The following FNDC3B variants were observed in gnomAD, a reference collection of about 807,000 sequenced individuals.
FNDC3B encodes the protein fibronectin type III domain-containing protein 3B.
In FNDC3B, 12 loss-of-function variants were observed where a neutral mutation model predicts 151.5. That is an observed-to-expected ratio of 0.08 (90% confidence interval 0.05 to 0.13). The LOEUF (loss-of-function observed/expected upper bound fraction) is 0.13. FNDC3B is among the 10% of genes least tolerant of loss of function. The pLI, the probability that FNDC3B is intolerant of heterozygous loss-of-function variation, is 1.00. For missense variants in FNDC3B, 1,214 were observed against 1,505.3 expected, an observed-to-expected ratio of 0.81 and a Z score of 3.20; for synonymous variants, 528 against 549.0, an observed-to-expected ratio of 0.96 and a Z score of 0.54.
chr3:172,067,085 CAGATATA>C (rs1717536885), intron 1 of FNDC3B, among the ~76,000 whole-genome samples: 1 of 152,172 alleles, frequency 6.6e-6, no homozygotes, highest in African/African-American at 2.4e-5. Flanking sequence ...TTCTCCTGTG[CAGATATA>C]AGACTTGGTC....
At chr3:172,089,355 A>G (rs575774719) in intron 1 of FNDC3B, among the ~76,000 whole-genome samples, 2 of 152,300 alleles carry the variant, frequency 1.3e-5, no homozygotes, top group Admixed American at 1.3e-4. Flanking sequence ...TAAACCCTAG[A>G]AAAAAACAGT....
intron 1 of FNDC3B, among the ~76,000 whole-genome samples, chr3:172,100,206 C>T (rs1297116282): frequency 6.6e-6 from 1 of 152,168 alleles, no homozygotes. Context: ...GTAACTTCAG[C>T]ACAGAAGAGT....
chr3:172,396,189 T>C (rs1040194111), intron 25 of FNDC3B, among the ~76,000 whole-genome samples: 4 of 152,212 alleles, frequency 2.6e-5, no homozygotes, highest in Non-Finnish European at 4.4e-5. Flanking sequence ...GGTATAGTTA[T>C]AAGGAACTAC....
intron 1 of FNDC3B, among the ~76,000 whole-genome samples, chr3:172,081,421 T>C (rs1253064524): frequency 2.0e-5 from 3 of 152,182 alleles, no homozygotes; most frequent in African/African-American, 7.2e-5. Context: ...CATGCTAATA[T>C]TGTGATTTTC....
At position 172,039,630 on chromosome 3, in the gene FNDC3B, G is replaced by GGCGGCGGCGGCTGGAGGAGGAGA. The variant is rs1267078238; in HGVS notation, c.-158_-136dup. The GGCGGCGGCGGCTGGAGGAGGAGA allele has an allele frequency of 6.1e-5, 10 of 163,310 alleles. No homozygotes were observed. The highest frequency in any genetic ancestry group is 1.0e-4 in the Non-Finnish European group (8 of 76,422). The allele number at this position is 163,310 out of a possible 1,614,324, so 10.1% of individuals were successfully genotyped here. On this transcript the variant is annotated 5_prime_UTR_variant, in exon 1 of 26. Coordinates refer to ENST00000415807, the MANE Select transcript of FNDC3B (RefSeq NM_022763.4). ...CCCTCCTGGTAGTTATTTGAGCGGC[G>GGCGGCGGCGGCTGGAGGAGGAGA]GCGGCGGCGGCTGGAGGAGGAGAGC...
chr3:172,328,938 T>C lies in FNDC3B; in HGVS notation c.1255-14T>C, dbSNP rs1435571184. On this transcript the variant is annotated splice_polypyrimidine_tract_variant and intron_variant, in intron 11 of 25. Coordinates refer to ENST00000415807, the MANE Select transcript of FNDC3B (RefSeq NM_022763.4). ...TTTTTTAAGTATATGCATTGTTTCA[T>C]TGTTTACTTTTAGGGAAAAAGAAAT... 6.3e-7 allele frequency: 1 copy of C among 1,586,174 alleles called. No individual in the cohort carries two copies. Among genetic ancestry groups the C allele is most frequent in the East Asian group, 2.3e-5 (1 of 44,298 alleles).
chr3:172,245,994 A>G (rs1349311074), intron 4 of FNDC3B, among the ~76,000 whole-genome samples: 2 of 152,222 alleles, frequency 1.3e-5, no homozygotes, highest in African/African-American at 4.8e-5. Context: ...ACTGAAATAT[A>G]ACATAAACAT....
chr3:172,127,068 G>C lies in FNDC3B; in HGVS notation c.112-6403G>C, dbSNP rs184927821. On this transcript the variant is annotated intron_variant, in intron 2 of 25. Coordinates refer to ENST00000415807, the MANE Select transcript of FNDC3B (RefSeq NM_022763.4). Reference sequence around the variant, plus strand: ...AAAATCTGGTCAGAGGTGAGAAGTGGCTGGTTTTAGATTTTATCGAGAGCA... The same window carrying C: ...AAAATCTGGTCAGAGGTGAGAAGTGCCTGGTTTTAGATTTTATCGAGAGCA... 17 of 456,690 alleles carry C rather than the reference G, an allele frequency of 3.7e-5. No homozygotes were observed. The East Asian group carries it at 1.2e-3, about 32-fold the overall frequency. 28.3% of individuals were successfully genotyped at this position (456,690 alleles called of 1,614,324 possible).
chr3:172,172,180 A>C (rs2108636475), intron 3 of FNDC3B, among the ~76,000 whole-genome samples: 1 of 152,304 alleles, frequency 6.6e-6, no homozygotes, highest in East Asian at 1.9e-4. Flanking sequence ...AGGGGTTTAG[A>C]ATTTGATATG....
chr3:172,125,856 T>C (rs368491222), intron 2 of FNDC3B, among the ~76,000 whole-genome samples: 84 of 152,252 alleles, frequency 5.5e-4, no homozygotes, highest in African/African-American at 1.9e-3. Flanking sequence ...CCGTACCGGG[T>C]TGCTCATGAG....
chr3:172,084,499 A>ACACACACACACACACACG (rs1163344403), intron 1 of FNDC3B, among the ~76,000 whole-genome samples: 2 of 151,698 alleles, frequency 1.3e-5, no homozygotes, highest in African/African-American at 4.8e-5. Context: ...ACACACACAC[A>ACACACACACACACACACG]CGTATATTCT....
intron 19 of FNDC3B, among the ~76,000 whole-genome samples, chr3:172,345,598 G>T (rs1034720699): frequency 6.6e-6 from 1 of 151,926 alleles, no homozygotes; most frequent in African/African-American, 2.4e-5. Context: ...CCTCCCCGCC[G>T]TCTTTTTTCT....
rs574509401 is a variant in FNDC3B at position 172,254,151 on chromosome 3, C to G, written c.790+2610C>G. 5.9e-5 allele frequency among the ~76,000 whole-genome samples: 9 copies of G among 152,198 alleles called. No individual in the cohort carries two copies. In the South Asian group the frequency reaches 1.9e-3, roughly 32 times the overall value. On this transcript the variant is annotated intron_variant, in intron 6 of 25. Coordinates refer to ENST00000415807, the MANE Select transcript of FNDC3B (RefSeq NM_022763.4). ...AAAAAGACTAAGTTTGTGCCTGGTC[C>G]TGTGGTAAAACTAAGCACATGTAAA...
chr3:172,317,217 T>C (rs758469592), intron 11 of FNDC3B: 5 of 441,486 alleles, frequency 1.1e-5, no homozygotes, highest in Admixed American at 5.1e-5. Context: ...AGAGTCTTGC[T>C]CTGTCGCCCA....
At chr3:172,084,873 T>C (rs990690511) in intron 1 of FNDC3B, among the ~76,000 whole-genome samples, 2 of 152,258 alleles carry the variant, frequency 1.3e-5, no homozygotes, top group Non-Finnish European at 2.9e-5. Flanking sequence ...ATTTACTTAT[T>C]ATGTTCATTG....
chr3:172,107,432 ATTT>A (rs2108531858), intron 1 of FNDC3B, among the ~76,000 whole-genome samples: 1 of 152,114 alleles, frequency 6.6e-6, no homozygotes, highest in African/African-American at 2.4e-5. Context: ...AGGGTAGTTG[ATTT>A]CAAGAATGGA....
intron 3 of FNDC3B, among the ~76,000 whole-genome samples, chr3:172,187,471 A>G (rs893190744): frequency 7.9e-5 from 12 of 152,172 alleles, no homozygotes; most frequent in African/African-American, 2.7e-4. Context: ...TACTGGAGGA[A>G]TGATTGAATG....
intron 6 of FNDC3B, among the ~76,000 whole-genome samples, chr3:172,267,339 A>G (rs1170245446): frequency 6.6e-6 from 1 of 152,006 alleles, no homozygotes; most frequent in African/African-American, 2.4e-5. Flanking sequence ...TATTTTTTGT[A>G]GAGACAGGGT....
intron 14 of FNDC3B, 56 bp downstream of exon 14, chr3:172,333,231 C>A: frequency 1.8e-6 from 2 of 1,085,956 alleles, no homozygotes; most frequent in Non-Finnish European, 1.4e-6. Flanking sequence ...TTTTCTATTT[C>A]ACCATTTACC....
Sources: gnomAD v4.1 joint callset for allele counts (sites outside exome capture counted in the v4.1 genomes callset) on GRCh38, gnomAD v4.1.1 for gene constraint, MANE v1.5 for transcripts, NCBI Gene and HGNC (gene_info 2026-07-23, HGNC 2026-07-21) for gene names.